Variants in FRS3 observed in about 807,000 individuals in gnomAD.
FRS3 encodes the protein fibroblast growth factor receptor substrate 3.
A neutral mutation model predicts 41.9 loss-of-function variants in FRS3; 17 were observed. The ratio of observed to expected loss-of-function variants is 0.41; its 90% confidence interval spans 0.28 to 0.61. FRS3 has a LOEUF of 0.61. Among genes scored for constraint, FRS3 ranks in the 20% least tolerant of loss-of-function variants. The pLI is 0.36. For missense variants in FRS3, 619 were observed against 672.1 expected, an observed-to-expected ratio of 0.92 and a Z score of 0.87; for synonymous variants, 287 against 274.5, an observed-to-expected ratio of 1.05 and a Z score of -0.45.
At chr6:41,776,637 G>T (rs891347404) in intron 3 of FRS3, 1 of 374,074 alleles carries the variant, frequency 2.7e-6, no homozygotes, top group Admixed American at 4.2e-5. Flanking sequence ...AAAAAAAAGG[G>T]GGGGGGATAT....
intron 2 of FRS3, 22 bp from the exon 3 acceptor site, chr6:41,777,032 T>C (rs1406408216): frequency 1.9e-6 from 3 of 1,567,058 alleles, no homozygotes; most frequent in East Asian, 4.5e-5. Context: ...ATACAGGATA[T>C]GCAGGTCACC....
In FRS3 at chr6:41,771,251, G is replaced by A. The variant is rs1422824464; in HGVS notation, c.847C>T (p.Pro283Ser). The change falls in exon 7 of 7, where the codon CCC becomes TCC. Residue 283 changes from proline (P) to serine (S), a missense_variant. Physicochemically the swap from Pro to Ser is moderately conservative, Grantham distance 74 (BLOSUM62 -1). Around this residue, in one of 3 missense-constraint regions of FRS3, gnomAD observed 487 missense variants for 478.3 expected, o/e 1.02. Transcript: ENST00000373018. ...NEAPSECPAQ[P>S]KCTYENVTGG... is the part of the protein sequence containing the mutation. ...GTGACGTTCTCGTAGGTGCACTTGG[G>A]CTGGGCTGGACACTCAGAAGGGGCC... 1.9e-6 allele frequency: 3 copies of A among 1,602,484 alleles called. No homozygotes were observed. Among genetic ancestry groups the A allele is most frequent in the East Asian group, 2.2e-5 (1 of 44,644 alleles).
Position 41,771,435 on chromosome 6 carries a change from C to A in FRS3, c.663G>T (p.Pro221=). 1.9e-6 allele frequency: 3 copies of A among 1,611,458 alleles called. No homozygotes were observed. Among genetic ancestry groups the A allele is most frequent in the South Asian group, 2.2e-5 (2 of 90,854 alleles). Residue 221 remains proline, a synonymous_variant, in exon 7 of 7, where the codon CCG becomes CCT. Coordinates refer to ENST00000373018, the MANE Select transcript of FRS3 (RefSeq NM_006653.5). ...PLPEGQAPFL[P]QARGPDQRDP... ...CCCGTTGGTCAGGTCCCCGGGCCTG[C>A]GGGAGGAAGGGTGCCTGACCCTCAG...
rs754166064 is a variant in FRS3, at chr6:41,771,224, C to G, written c.874G>C (p.Gly292Arg). The change falls in exon 7 of 7, where the codon GGG becomes CGG. Residue 292 changes from glycine (G) to arginine (R), a missense_variant. Around this residue, in one of 3 missense-constraint regions of FRS3, gnomAD observed 487 missense variants for 478.3 expected, o/e 1.02. Coordinates refer to ENST00000373018, the MANE Select transcript of FRS3 (RefSeq NM_006653.5). ...QPKCTYENVTGGLWRGAGWRL... is the reference protein window; with the variant it reads ...QPKCTYENVTRGLWRGAGWRL... ...CAGCCAGCCCCTCGCCACAGCCCCC[C>G]GGTGACGTTCTCGTAGGTGCACTTG... 12 of 1,576,712 alleles carry G rather than the reference C, an allele frequency of 7.6e-6. No homozygotes were observed. Among genetic ancestry groups the G allele is most frequent in the Admixed American group, 3.5e-5 (2 of 57,556 alleles).
intron 4 of FRS3, 21 bp downstream of exon 4, chr6:41,775,398 G>A (rs1157398471): frequency 2.5e-6 from 4 of 1,589,620 alleles, no homozygotes; most frequent in Non-Finnish European, 1.7e-6. Flanking sequence ...ATCCCAGGGT[G>A]GAGCAGGGCC....
At chr6:41,773,013 C>G (rs1395865465) in intron 4 of FRS3, 54 bp from the exon 5 acceptor site, 1 of 1,467,270 alleles carries the variant, frequency 6.8e-7, no homozygotes, top group Non-Finnish European at 9.5e-7. Flanking sequence ...ACCAGAGGAG[C>G]TCAACAGATG....
chr6:41,776,968 C>T lies in FRS3; in HGVS notation c.20G>A (p.Cys7Tyr). 1 of 1,614,164 alleles carries T rather than the reference C, an allele frequency of 6.2e-7. No individual in the cohort carries two copies. The highest frequency in any genetic ancestry group is 1.1e-5 in the South Asian group (1 of 91,084). ...GTCTGGAACGCTGTCTCTGTTCAGG[C>T]AGCTGCAGCAGCTCCCCATGGTGTC... MGSCCS[C>Y]LNRDSVPDNH... is the part of the protein sequence containing the mutation. Residue 7 changes from cysteine to tyrosine, a missense_variant, in exon 3 of 7, where the codon TGC becomes TAC. Coordinates refer to ENST00000373018, the MANE Select transcript of FRS3 (RefSeq NM_006653.5).
In FRS3 at chr6:41,771,171, C is replaced by T. The variant is rs1255561452; in HGVS notation, c.927G>A (p.Trp309Ter). 2 of 1,554,490 alleles carry T rather than the reference C, an allele frequency of 1.3e-6. No individual in the cohort carries two copies. Among genetic ancestry groups the T allele is most frequent in the Non-Finnish European group, 1.7e-6 (2 of 1,147,234 alleles). The change falls in exon 7 of 7, where the codon TGG (tryptophan) becomes TGA (stop). Residue 309 changes from tryptophan (W) to a stop codon, truncating the protein, a stop_gained. Transcript: ENST00000373018. LOFTEE classifies it high-confidence loss of function. Reference sequence around the variant, plus strand: ...CGGCCCGGCGGTGGGCAAGGCCATTCCAGCCCGGCTCCTCTGGGCTCAGTC... The same window carrying T: ...CGGCCCGGCGGTGGGCAAGGCCATTTCAGCCCGGCTCCTCTGGGCTCAGTC... ...GWRLSPEEPGWNGLAHRRAAL... is the reference protein window; with the variant it reads ...GWRLSPEEPG
intron 1 of FRS3, among the ~76,000 whole-genome samples, chr6:41,778,974 C>T (rs1266038390): frequency 6.6e-6 from 1 of 152,182 alleles, no homozygotes; most frequent in Non-Finnish European, 1.5e-5. Context: ...TTGCACCCTG[C>T]ATCCTTGGAC....
intron 1 of FRS3, among the ~76,000 whole-genome samples, chr6:41,779,316 T>G (rs544732464): frequency 1.3e-5 from 2 of 150,336 alleles, no homozygotes; most frequent in Admixed American, 6.6e-5. Context: ...GAGGGGGGTG[T>G]GGGGGCTGAA....
In FRS3 at chr6:41,771,430, G is replaced by A; in HGVS notation, c.668C>T (p.Ala223Val). The A allele has an allele frequency of 6.2e-7, 1 of 1,612,472 alleles. No individual in the cohort carries two copies. The highest frequency in any genetic ancestry group is 1.1e-5 in the South Asian group (1 of 90,898). Reference sequence around the variant, plus strand: ...TGGGTCCCGTTGGTCAGGTCCCCGGGCCTGCGGGAGGAAGGGTGCCTGACC... The same window carrying A: ...TGGGTCCCGTTGGTCAGGTCCCCGGACCTGCGGGAGGAAGGGTGCCTGACC... ...PEGQAPFLPQ[A>V]RGPDQRDPQV... The change falls in exon 7 of 7, where the codon GCC becomes GTC. Residue 223 changes from alanine to valine, a missense_variant. This residue lies in a region of FRS3 where 487 missense variants were observed against 478.3 expected (regional missense o/e 1.02). Coordinates refer to ENST00000373018, the MANE Select transcript of FRS3 (RefSeq NM_006653.5).
chr6:41,770,194 A>G lies in FRS3; in HGVS notation c.*425T>C, dbSNP rs1772248061. ...ACTGGGCCAGAATTTAAAAATAATT[A>G]TATTAATAATAAATATGTTAAATTA... On this transcript the variant is annotated 3_prime_UTR_variant, in exon 7 of 7. Transcript: ENST00000373018. 1 of 152,270 alleles carries G rather than the reference A, an allele frequency of 6.6e-6. No homozygotes were observed. Among genetic ancestry groups the G allele is most frequent in the South Asian group, 2.1e-4 (1 of 4,836 alleles). 9.4% of individuals were successfully genotyped at this position (152,270 alleles called of 1,614,324 possible). A position where few individuals can be genotyped will look rare whatever the true frequency, so the allele number is the denominator to read the frequency against.
intron 4 of FRS3, among the ~76,000 whole-genome samples, chr6:41,773,880 AG>A (rs1352374147): frequency 1.5e-3 from 235 of 152,212 alleles, no homozygotes; most frequent in African/African-American, 5.3e-3. Context: ...TCAAAAAAAA[AG>A]AAAAAAGAAA....
rs771493653 is a variant in FRS3, at chr6:41,771,885, C to T, written c.495G>A (p.Ser165=). ...GCGAGGGGTGCCGCAGGCTGCTTGT[C>T]GAGAGCCGCCGGGGAGCTGAGAATC... ...GPRFSAPRRL[S]TSSLRHPSLG... The change falls in exon 6 of 7, where the codon TCG becomes TCA. Residue 165 remains serine, a synonymous_variant. Transcript: ENST00000373018. 48 of 1,554,158 alleles carry T rather than the reference C, an allele frequency of 3.1e-5. No individual in the cohort carries two copies. The Admixed American group carries it at 5.1e-4, about 16-fold the overall frequency.
At chr6:41,775,685 C>G (rs1581971210) in intron 3 of FRS3, 80 bp from the exon 4 acceptor site, 5 of 1,035,092 alleles carry the variant, frequency 4.8e-6, no homozygotes, top group East Asian at 2.6e-5. Context: ...GGGAGACAAT[C>G]TGATGCAGGA....
At chr6:41,775,632 A>G (rs764303951) in intron 3 of FRS3, 27 bp from the exon 4 acceptor site, 21 of 1,574,378 alleles carry the variant, frequency 1.3e-5, no homozygotes, top group Non-Finnish European at 7.9e-6. Context: ...AGAAGGGTCA[A>G]TGAGTGAGTC....
At chr6:41,775,788 G>C (rs1665063669) in intron 3 of FRS3, among the ~76,000 whole-genome samples, 183 bp from the exon 4 acceptor site, 1 of 152,218 alleles carries the variant, frequency 6.6e-6, no homozygotes, top group Non-Finnish European at 1.5e-5. Flanking sequence ...ACCCACGGCA[G>C]TTCTCTGGGC....
rs534138466 is a variant in FRS3 at position 41,770,576 on chromosome 6, C to T, written c.*43G>A. The T allele has an allele frequency of 5.3e-5, 84 of 1,596,350 alleles. No homozygotes were observed. The highest frequency in any genetic ancestry group is 4.5e-4 in the South Asian group (41 of 90,678). ...AGAGGACAGGAGTGTGAGGCAGAGG[C>T]TGGATCATGGTGGGGCAGAGGGTGG... On this transcript the variant is annotated 3_prime_UTR_variant, in exon 7 of 7. Transcript: ENST00000373018.
At chr6:41,778,929 C>T (rs1321352358) in intron 1 of FRS3, among the ~76,000 whole-genome samples, 2 of 152,194 alleles carry the variant, frequency 1.3e-5, no homozygotes, top group African/African-American at 4.8e-5. Context: ...GGACATCCCA[C>T]ATTCCTGCTC....
Sources: gnomAD v4.1 joint callset for allele counts (sites outside exome capture counted in the v4.1 genomes callset) on GRCh38, gnomAD v4.1.1 for gene constraint, gnomAD v4.1.1 regional missense constraint, MANE v1.5 for transcripts, NCBI Gene and HGNC (gene_info 2026-07-23, HGNC 2026-07-21) for gene names.